SPATA6: variants seen among roughly 807,000 people sequenced by gnomAD.
SPATA6 encodes spermatogenesis associated 6.
Under a neutral mutation model 65.3 loss-of-function variants are expected in SPATA6, and 56 were observed. That is an observed-to-expected ratio of 0.86 (90% CI 0.69 to 1.07). The LOEUF is 1.07. Among genes scored for constraint, SPATA6 ranks in the 50% least tolerant of loss-of-function variants. The pLI is 0.00. For synonymous variants in SPATA6, 199 were observed against 213.2 expected, an observed-to-expected ratio of 0.93 and a Z score of 0.58; for missense variants, 590 against 594.8, an observed-to-expected ratio of 0.99 and a Z score of 0.08.
intron 3 of SPATA6, among the ~76,000 whole-genome samples, chr1:48,435,329 C>T (rs917046070): frequency 4.0e-5 from 6 of 151,504 alleles, no homozygotes; most frequent in Non-Finnish European, 7.4e-5. Context: ...CTGTGTCTAG[C>T]TAAAGGATTG....
At chr1:48,360,851 T>G (rs1646792143) in intron 9 of SPATA6, among the ~76,000 whole-genome samples, 1 of 152,130 alleles carries the variant, frequency 6.6e-6, no homozygotes, top group South Asian at 2.1e-4. Flanking sequence ...TCACAATATA[T>G]TTAGAAGACA....
At chr1:48,277,303 A>C in the SPATA6 span, among the ~76,000 whole-genome samples, 8 of 152,170 alleles carry the variant, frequency 5.3e-5, no homozygotes, top group African/African-American at 1.9e-4. Context: ...GGTTCATCTC[A>C]CTAGGGAGTG....
chr1:48,462,294 T>A (rs1657503694), intron 1 of SPATA6, among the ~76,000 whole-genome samples: 1 of 152,010 alleles, frequency 6.6e-6, no homozygotes, highest in Non-Finnish European at 1.5e-5. Context: ...TGTATACATA[T>A]GTAACAAACC....
chr1:48,279,623 A>G, the SPATA6 span, among the ~76,000 whole-genome samples: 1 of 152,222 alleles, frequency 6.6e-6, no homozygotes, highest in Admixed American at 6.5e-5. Context: ...ATTCAACAAG[A>G]AGAGCTAACT....
chr1:48,387,517 T>C lies in SPATA6; in HGVS notation c.869-2168A>G, dbSNP rs149019432. Among the ~76,000 whole-genome samples the C allele has an allele frequency of 8.6e-3, 1,313 of 152,236 alleles. 6 individuals are homozygous for C. The highest frequency in any genetic ancestry group is 0.014 in the Non-Finnish European group (975 of 68,010). Reference sequence around the variant, plus strand: ...TGGCAGCATCATCTCCAGCCCCAAGTAGCAGGGCAGAAGTACAGATACTAC... The same window carrying C: ...TGGCAGCATCATCTCCAGCCCCAAGCAGCAGGGCAGAAGTACAGATACTAC... On this transcript the variant is annotated intron_variant, in intron 8 of 12. Coordinates refer to ENST00000371847, the MANE Select transcript of SPATA6 (RefSeq NM_019073.4).
chr1:48,379,888 T>C (rs1482390439), intron 9 of SPATA6, among the ~76,000 whole-genome samples: 1 of 152,212 alleles, frequency 6.6e-6, no homozygotes, highest in Non-Finnish European at 1.5e-5. Flanking sequence ...CAGTATCATA[T>C]GCTTTACGTG....
At chr1:48,289,247 C>T in the SPATA6 span, among the ~76,000 whole-genome samples, 1 of 152,158 alleles carries the variant, frequency 6.6e-6, no homozygotes, top group Non-Finnish European at 1.5e-5. Context: ...CTGGAGTGGA[C>T]CTCCAGCAAA....
intron 5 of SPATA6, among the ~76,000 whole-genome samples, chr1:48,404,786 T>C (rs1402578117): frequency 6.6e-6 from 1 of 152,246 alleles, no homozygotes; most frequent in African/African-American, 2.4e-5. Flanking sequence ...GAAATGAATG[T>C]GGCTTATATT....
Position 48,471,999 on chromosome 1 carries a change from C to A in SPATA6, c.10G>T (p.Val4Leu), listed in dbSNP as rs1249276888. 2 of 1,578,326 alleles carry A rather than the reference C, an allele frequency of 1.3e-6. No homozygotes were observed. Among genetic ancestry groups the A allele is most frequent in the African/African-American group, 1.4e-5 (1 of 72,498 alleles). Residue 4 changes from valine to leucine, a missense_variant, in exon 1 of 13, where the codon GTG becomes TTG. Coordinates refer to ENST00000371847, the MANE Select transcript of SPATA6 (RefSeq NM_019073.4). MPK[V>L]KALQCALALE... ...GCCAGGGCGCACTGCAGCGCCTTCACCTTCGGCATCCGTGCGGGGAGGGGC... is the reference window on the plus strand; with the variant it reads ...GCCAGGGCGCACTGCAGCGCCTTCAACTTCGGCATCCGTGCGGGGAGGGGC...
intron 11 of SPATA6, among the ~76,000 whole-genome samples, chr1:48,319,913 A>G (rs748086098): frequency 1.3e-5 from 2 of 152,150 alleles, no homozygotes; most frequent in Non-Finnish European, 2.9e-5. Flanking sequence ...AGTATGGAGA[A>G]GAGGGCAAAC....
intron 3 of SPATA6, chr1:48,436,331 A>C: frequency 6.2e-7 from 1 of 1,612,574 alleles, no homozygotes; most frequent in Non-Finnish European, 8.5e-7. Context: ...ATTACAACTT[A>C]CTGGACAGTT....
the SPATA6 span, among the ~76,000 whole-genome samples, chr1:48,275,782 G>A: frequency 2.7e-4 from 41 of 152,026 alleles, no homozygotes; most frequent in Non-Finnish European, 4.6e-4. Context: ...TAGGATATTG[G>A]CCTGAAATTT....
At chr1:48,279,140 T>C in the SPATA6 span, among the ~76,000 whole-genome samples, 1 of 152,146 alleles carries the variant, frequency 6.6e-6, no homozygotes, top group African/African-American at 2.4e-5. Context: ...CTGAGAGATT[T>C]TGTCACCACC....
intron 9 of SPATA6, among the ~76,000 whole-genome samples, chr1:48,380,689 T>C (rs1237215062): frequency 6.6e-6 from 1 of 152,226 alleles, no homozygotes; most frequent in African/African-American, 2.4e-5. Context: ...TTATTATCAA[T>C]AAGCAAGATC....
the SPATA6 span, among the ~76,000 whole-genome samples, chr1:48,268,003 G>A: frequency 1.7e-4 from 26 of 151,938 alleles, no homozygotes; most frequent in South Asian, 5.0e-3. Context: ...CACCTGTCTC[G>A]GCCTTCCAAA....
intron 3 of SPATA6, among the ~76,000 whole-genome samples, chr1:48,450,158 T>C (rs150736870): frequency 6.6e-6 from 1 of 151,866 alleles, no homozygotes; most frequent in African/African-American, 2.4e-5. Flanking sequence ...AATTGGAGGA[T>C]AGGTAATACA....
At chr1:48,277,718 T>G in the SPATA6 span, among the ~76,000 whole-genome samples, 1 of 152,232 alleles carries the variant, frequency 6.6e-6, no homozygotes, top group Admixed American at 6.5e-5. Flanking sequence ...CAAGGAGGCC[T>G]GCCTGCCTCT....
At chr1:48,308,177 CTTTT>C (rs765874374) in intron 11 of SPATA6, among the ~76,000 whole-genome samples, 18 of 151,798 alleles carry the variant, frequency 1.2e-4, no homozygotes, top group Non-Finnish European at 2.1e-4. Flanking sequence ...TCGTTGCCTT[CTTTT>C]GTGTTAGATA....
chr1:48,279,615 T>C, the SPATA6 span, among the ~76,000 whole-genome samples: 1 of 152,080 alleles, frequency 6.6e-6, no homozygotes, highest in Non-Finnish European at 1.5e-5. Flanking sequence ...AGGGATCAAT[T>C]CAACAAGAAG....
Sources: allele counts gnomAD v4.1 joint callset (sites outside exome capture counted in the v4.1 genomes callset), GRCh38; gene constraint gnomAD v4.1.1; transcripts MANE v1.5; gene names NCBI Gene and HGNC (gene_info 2026-07-23, HGNC 2026-07-21).